The following NEBL variants were observed in gnomAD, a reference collection of about 807,000 sequenced individuals.
NEBL encodes nebulette.
In NEBL, 122 loss-of-function variants were observed where a neutral mutation model predicts 140.2. The observed-to-expected ratio is 0.87, with a 90% CI of 0.75 to 1.01. The LOEUF (loss-of-function observed/expected upper bound fraction) is 1.01, where lower values mean the gene tolerates loss of function less well. Ranked by LOEUF, NEBL falls within the 50% of genes least tolerant of loss-of-function variation. NEBL has a pLI of 0.00. For missense variants in NEBL, 1,365 were observed against 1,231.3 expected (o/e 1.11, Z -1.62); for synonymous variants, 436 against 398.9 (o/e 1.09, Z -1.11).
intron 3 of NEBL, among the ~76,000 whole-genome samples, chr10:21,018,344 A>T (rs1410959327): frequency 2.0e-5 from 3 of 152,050 alleles, no homozygotes; most frequent in Admixed American, 6.6e-5. Flanking sequence ...TACCTGATGA[A>T]CCCTAACTTG....
At chr10:21,185,727 C>T (rs1341281635) in intron 3 of NEBL, among the ~76,000 whole-genome samples, 1 of 152,038 alleles carries the variant, frequency 6.6e-6, no homozygotes, top group East Asian at 1.9e-4. Flanking sequence ...GAACTCCTGA[C>T]CTCAGTTGAT....
chr10:21,261,056 C>A (rs558832373), intron 1 of NEBL, among the ~76,000 whole-genome samples: 1 of 152,254 alleles, frequency 6.6e-6, no homozygotes, highest in South Asian at 2.1e-4. Flanking sequence ...TATTGAATTT[C>A]TTTCTCTAGT....
chr10:21,249,160 C>T (rs1842555420), intron 2 of NEBL, among the ~76,000 whole-genome samples: 1 of 152,164 alleles, frequency 6.6e-6, no homozygotes, highest in African/African-American at 2.4e-5. Context: ...TCCCAAAGCA[C>T]TTGAGTTACA....
At chr10:21,156,347 G>T (rs1206930591) in intron 2 of NEBL, among the ~76,000 whole-genome samples, 1 of 152,204 alleles carries the variant, frequency 6.6e-6, no homozygotes, top group African/African-American at 2.4e-5. Context: ...TATTTAGGAG[G>T]CATTGAAAGC....
At chr10:21,119,471 A>G (rs1484014052) in intron 2 of NEBL, among the ~76,000 whole-genome samples, 2 of 148,624 alleles carry the variant, frequency 1.3e-5, no homozygotes, top group South Asian at 4.2e-4. Context: ...AATATAACAT[A>G]TATAGTTATA....
At chr10:20,832,887 A>G (rs931031074) in intron 14 of NEBL, among the ~76,000 whole-genome samples, 9 of 152,222 alleles carry the variant, frequency 5.9e-5, no homozygotes, top group Admixed American at 5.9e-4. Context: ...TTAACTTTCA[A>G]AATATTAATA....
At chr10:20,860,982 A>C (rs703096) in intron 7 of NEBL, among the ~76,000 whole-genome samples, 1 of 152,126 alleles carries the variant, frequency 6.6e-6, no homozygotes, top group East Asian at 1.9e-4. Flanking sequence ...TTGATAATAA[A>C]AAATTTCTGA....
chr10:20,950,745 G>C (rs1835417916), intron 4 of NEBL, among the ~76,000 whole-genome samples: 1 of 152,136 alleles, frequency 6.6e-6, no homozygotes, highest in Admixed American at 6.5e-5. Context: ...ATCATCAAAG[G>C]CCTCACACAA....
At chr10:21,267,447 G>GA (rs555517279) in intron 1 of NEBL, among the ~76,000 whole-genome samples, 1 of 152,070 alleles carries the variant, frequency 6.6e-6, no homozygotes, top group African/African-American at 2.4e-5. Context: ...GGATAGTTGG[G>GA]AAAAAAAACT....
chr10:20,972,694 C>T (rs1217417693), intron 3 of NEBL, among the ~76,000 whole-genome samples: 1 of 151,826 alleles, frequency 6.6e-6, no homozygotes, highest in Non-Finnish European at 1.5e-5. Flanking sequence ...CTGCAGTGAG[C>T]CAAGATCACG....
At chr10:21,196,736 C>T (rs974951624) in intron 3 of NEBL, among the ~76,000 whole-genome samples, 13 of 152,152 alleles carry the variant, frequency 8.5e-5, no homozygotes, top group Non-Finnish European at 1.5e-4. Context: ...CACTACTCAG[C>T]TTGTATGCAG....
intron 4 of NEBL, among the ~76,000 whole-genome samples, chr10:20,942,092 A>C (rs1476873966): frequency 6.6e-6 from 1 of 152,212 alleles, no homozygotes; most frequent in Non-Finnish European, 1.5e-5. Context: ...AAACTACTTT[A>C]AAGTTCATAT....
At chr10:21,105,883 C>A (rs1454966773) in intron 2 of NEBL, among the ~76,000 whole-genome samples, 2 of 152,226 alleles carry the variant, frequency 1.3e-5, no homozygotes, top group African/African-American at 2.4e-5. Context: ...ACCATTCTAA[C>A]TGGCATGAGA....
chr10:20,961,792 G>A (rs775564946), intron 3 of NEBL: 1 of 1,599,312 alleles, frequency 6.3e-7, no homozygotes, highest in South Asian at 1.1e-5. Flanking sequence ...AACAAGAAGG[G>A]GGAAAAGAAA....
At chr10:21,038,780 T>C (rs966220837) in intron 2 of NEBL, among the ~76,000 whole-genome samples, 1 of 152,176 alleles carries the variant, frequency 6.6e-6, no homozygotes, top group African/African-American at 2.4e-5. Context: ...CCTTGAGAAA[T>C]CACCACACTG....
chr10:21,047,556 T>C (rs1308375615), intron 2 of NEBL, among the ~76,000 whole-genome samples: 1 of 152,174 alleles, frequency 6.6e-6, no homozygotes, highest in African/African-American at 2.4e-5. Flanking sequence ...AAAGATTTTT[T>C]TTAACACACA....
At chr10:21,024,614 T>C (rs1323951587) in intron 2 of NEBL, among the ~76,000 whole-genome samples, 1 of 151,998 alleles carries the variant, frequency 6.6e-6, no homozygotes, top group African/African-American at 2.4e-5. Context: ...AGATGGCAAC[T>C]CATACTGCCT....
At position 21,022,233 on chromosome 10, in the gene NEBL, C is replaced by CCT. The variant is rs943083914; in HGVS notation, c.165-2034_165-2033dup. ...CCTCCCTGTTTGCTTCTTTCTAGCC[C>CCT]CTCTCCTTTCTGGTATCCACGTGTG... is the stretch of plus-strand genomic sequence containing the variant. On this transcript the variant is annotated intron_variant, in intron 2 of 6. Transcript: ENST00000417816. Among the ~76,000 whole-genome samples, 5 of 152,224 alleles carry CCT rather than the reference C, an allele frequency of 3.3e-5. No homozygotes were observed. In the South Asian group the frequency reaches 1.0e-3, roughly 32 times the overall value.
chr10:20,920,219 C>T (rs1484286919), intron 4 of NEBL, among the ~76,000 whole-genome samples: 1 of 152,206 alleles, frequency 6.6e-6, no homozygotes, highest in Non-Finnish European at 1.5e-5. Flanking sequence ...GGTTCAACCC[C>T]AGTGGAGGAG....
Sources: allele counts gnomAD v4.1 joint callset (sites outside exome capture counted in the v4.1 genomes callset), GRCh38; gene constraint gnomAD v4.1.1; transcripts MANE v1.5; gene names NCBI Gene and HGNC (gene_info 2026-07-23, HGNC 2026-07-21).